NPIPB2: variants seen among roughly 807,000 people sequenced by gnomAD.
NPIPB2 encodes the protein nuclear pore complex-interacting protein family member B2.
NPIPB2 carries 27 observed loss-of-function variants against 30.8 expected under a neutral mutation model. That is an observed-to-expected ratio of 0.88 (90% CI 0.65 to 1.21). The LOEUF is 1.21. NPIPB2 is among the 50% of genes most tolerant of loss of function. The pLI, the probability that NPIPB2 is intolerant of heterozygous loss-of-function variation, is 0.00. For synonymous variants in NPIPB2, 147 were observed against 162.0 expected (o/e 0.91, Z 0.70); for missense variants, 440 against 446.2 (o/e 0.99, Z 0.13).
intron 1 of NPIPB2, among the ~76,000 whole-genome samples, chr16:11,949,133 G>C (rs1479028888): frequency 6.6e-6 from 1 of 152,066 alleles, no homozygotes; most frequent in African/African-American, 2.4e-5. Flanking sequence ...CTCCAGCCTG[G>C]GCAACAGAGC....
intron 1 of NPIPB2, among the ~76,000 whole-genome samples, chr16:11,966,040 G>A (rs1053281929): frequency 6.6e-6 from 1 of 152,190 alleles, no homozygotes; most frequent in Non-Finnish European, 1.5e-5. Context: ...GAACTTGGGA[G>A]GTGGAGGTTG....
rs574269270 is a variant in NPIPB2 at position 11,963,317 on chromosome 16, T to A, written c.-584+13251A>T. The stretch of plus-strand genomic sequence containing the variant: ...ATCGCTTGAACCTGGGAGGTGGAGG[T>A]TGCAGTGAGCCGAGATCGCGCCATT... On this transcript the variant is annotated intron_variant, in intron 1 of 5. Transcript: ENST00000538896. 2.0e-4 allele frequency among the ~76,000 whole-genome samples: 30 copies of A among 150,106 alleles called. No homozygotes were observed. In the South Asian group the frequency reaches 5.3e-3, roughly 27 times the overall value.
intron 1 of NPIPB2, among the ~76,000 whole-genome samples, chr16:11,948,331 C>T (rs1316312498): frequency 6.6e-6 from 1 of 152,128 alleles, no homozygotes; most frequent in Non-Finnish European, 1.5e-5. Flanking sequence ...CACAAAGAGA[C>T]AATTGGTCAT....
chr16:11,966,303 T>A (rs768479335), intron 1 of NPIPB2: 2 of 1,613,966 alleles, frequency 1.2e-6, no homozygotes, highest in South Asian at 2.2e-5. Context: ...CTAAGGAAGA[T>A]AAACTCTGAA....
intron 1 of NPIPB2, among the ~76,000 whole-genome samples, chr16:11,969,745 T>C (rs1248097216): frequency 6.6e-6 from 1 of 152,210 alleles, no homozygotes; most frequent in Admixed American, 6.5e-5. Flanking sequence ...GTGATAACGG[T>C]GCACGACATA....
intron 1 of NPIPB2, among the ~76,000 whole-genome samples, chr16:11,959,177 G>A (rs2055136513): frequency 6.6e-6 from 1 of 152,090 alleles, no homozygotes; most frequent in Admixed American, 6.6e-5. Flanking sequence ...GTGAGTACTG[G>A]ATTCCTCACT....
intron 1 of NPIPB2, among the ~76,000 whole-genome samples, chr16:11,956,794 C>G (rs1287113853): frequency 6.6e-6 from 1 of 152,168 alleles, no homozygotes; most frequent in Non-Finnish European, 1.5e-5. Context: ...CTCCTGAAAA[C>G]CTCTTTTGCT....
chr16:11,933,953 C>A (rs1262095309), intron 2 of NPIPB2, 29 bp from the exon 3 acceptor site: 3 of 1,503,836 alleles, frequency 2.0e-6, no homozygotes, highest in Admixed American at 1.7e-5. Flanking sequence ...AGAATGACGG[C>A]TGGGCACGGT....
chr16:11,956,905 G>A (rs2055117136), intron 1 of NPIPB2, among the ~76,000 whole-genome samples: 1 of 152,198 alleles, frequency 6.6e-6, no homozygotes, highest in East Asian at 1.9e-4. Flanking sequence ...GCCCCCAGGA[G>A]GGCTCCACAG....
upstream of NPIPB2, among the ~76,000 whole-genome samples, chr16:11,946,344 C>A (rs938361485): frequency 6.8e-6 from 1 of 146,712 alleles, no homozygotes; most frequent in African/African-American, 2.6e-5. Context: ...GAGATCGTAC[C>A]GTTGCACTCC....
intron 1 of NPIPB2, among the ~76,000 whole-genome samples, chr16:11,940,692 G>C (rs1428832229): frequency 6.9e-6 from 1 of 145,068 alleles, no homozygotes; most frequent in Non-Finnish European, 1.5e-5. Context: ...CCCCGGAAGC[G>C]GAGGTTGCAG....
chr16:11,941,935 A>G, intron 1 of NPIPB2, 48 bp downstream of exon 1: 2 of 1,014,388 alleles, frequency 2.0e-6, no homozygotes, highest in Non-Finnish European at 3.0e-6. Flanking sequence ...TTTTGGCGAC[A>G]AAACATAAAA....
chr16:11,953,319 G>C (rs1442839680), intron 1 of NPIPB2, among the ~76,000 whole-genome samples: 3 of 151,110 alleles, frequency 2.0e-5, no homozygotes, highest in African/African-American at 7.3e-5. Context: ...CTAATTTTTG[G>C]GTTTTTTGTT....
At chr16:11,940,758 T>TAAA (rs1205186064) in intron 1 of NPIPB2, among the ~76,000 whole-genome samples, 3 of 47,162 alleles carry the variant, frequency 6.4e-5, no homozygotes, top group Admixed American at 3.2e-4. Context: ...AGACTCTGTC[T>TAAA]AAAAAAAAAA....
intron 1 of NPIPB2, among the ~76,000 whole-genome samples, chr16:11,975,208 CG>C (rs1475518753): frequency 1.3e-5 from 1 of 77,488 alleles, no homozygotes; most frequent in Non-Finnish European, 2.3e-5. Flanking sequence ...AGTGCAGTGG[CG>C]GGATCTCGGC....
chr16:11,960,919 T>G (rs74586010), intron 1 of NPIPB2, among the ~76,000 whole-genome samples: 1,763 of 151,632 alleles, frequency 0.012, 68 homozygotes, highest in Admixed American at 0.09. Context: ...CAGACTGCAG[T>G]GCAGTGGCGC....
exon 2 of NPIPB2, chr16:11,937,646 T>G (rs747816601): frequency 2.5e-6 from 4 of 1,599,236 alleles, no homozygotes; most frequent in South Asian, 2.2e-5. Flanking sequence ...ACGATGATGA[T>G]GGTCAGCCAG....
upstream of NPIPB2, chr16:11,942,113 A>C: frequency 6.5e-7 from 1 of 1,532,216 alleles, no homozygotes; most frequent in South Asian, 1.2e-5. Flanking sequence ...CTGTCCATCA[A>C]CCTGTATCTC....
intron 1 of NPIPB2, among the ~76,000 whole-genome samples, chr16:11,965,725 C>A (rs1037292009): frequency 2.6e-5 from 4 of 151,992 alleles, no homozygotes; most frequent in Non-Finnish European, 5.9e-5. Flanking sequence ...AGTCAATGTT[C>A]ATTAATTAAG....
Sources: gnomAD v4.1 joint callset for allele counts (sites outside exome capture counted in the v4.1 genomes callset) on GRCh38, gnomAD v4.1.1 for gene constraint, MANE v1.5 for transcripts, NCBI Gene and HGNC (gene_info 2026-07-23, HGNC 2026-07-21) for gene names.